Variants in SEZ6L observed in about 807,000 individuals in gnomAD.
SEZ6L encodes seizure 6-like protein.
SEZ6L carries 37 observed loss-of-function variants against 106.2 expected under a neutral mutation model. The observed-to-expected ratio is 0.35, with a 90% CI of 0.27 to 0.46. The LOEUF (loss-of-function observed/expected upper bound fraction) is 0.46, where lower values mean the gene tolerates loss of function less well. Among genes scored for constraint, SEZ6L ranks in the 20% least tolerant of loss-of-function variants. The pLI, the probability that SEZ6L is intolerant of heterozygous loss-of-function variation, is 1.00. For synonymous variants in SEZ6L, 541 were observed against 570.4 expected, an observed-to-expected ratio of 0.95 and a Z score of 0.73; for missense variants, 1,172 against 1,332.8, an observed-to-expected ratio of 0.88 and a Z score of 1.88.
chr22:26,293,245 C>A (rs1219971834), intron 2 of SEZ6L, 99 bp downstream of exon 2: 3 of 1,417,194 alleles, frequency 2.1e-6, no homozygotes, highest in Non-Finnish European at 2.8e-6. Flanking sequence ...AGCCCCGGCC[C>A]CACCATCAGT....
In SEZ6L at chr22:26,364,414, T is replaced by C. The variant is rs530323075; in HGVS notation, c.2600-958T>C. On this transcript the variant is annotated intron_variant, in intron 12 of 16. Transcript: ENST00000248933. ...CAGCTTGGGATGCATGGCAAGACCC[T>C]GTCTCTACTTTAAAAAAAAAAAAAA... 1.2e-4 allele frequency among the ~76,000 whole-genome samples: 15 copies of C among 126,866 alleles called. No individual in the cohort carries two copies. The East Asian group carries it at 3.8e-3, about 32-fold the overall frequency. The allele number at this position is 126,866 out of a possible 152,430, so 83.2% of individuals were successfully genotyped here. A position where few individuals can be genotyped will look rare whatever the true frequency, so the allele number is the denominator to read the frequency against.
At chr22:26,376,928 A>G (rs1437937669) in intron 15 of SEZ6L, among the ~76,000 whole-genome samples, 1 of 152,086 alleles carries the variant, frequency 6.6e-6, no homozygotes, top group Non-Finnish European at 1.5e-5. Flanking sequence ...ACACACTAAG[A>G]TAAACACAAT....
chr22:26,260,338 C>A (rs186795619), intron 1 of SEZ6L, among the ~76,000 whole-genome samples: 24 of 152,094 alleles, frequency 1.6e-4, no homozygotes, highest in African/African-American at 5.8e-4. Flanking sequence ...ATTCTTATGC[C>A]TTTTCATCCT....
chr22:26,357,125 G>A (rs2083464005), intron 12 of SEZ6L, among the ~76,000 whole-genome samples: 1 of 152,038 alleles, frequency 6.6e-6, no homozygotes, highest in African/African-American at 2.4e-5. Context: ...CTAATTTTTT[G>A]TATTTTTAGT....
chr22:26,297,954 T>C (rs2081348232), intron 4 of SEZ6L, among the ~76,000 whole-genome samples: 1 of 152,042 alleles, frequency 6.6e-6, no homozygotes, highest in African/African-American at 2.4e-5. Context: ...CTTGGATACT[T>C]ACCAACTGCT....
intron 9 of SEZ6L, among the ~76,000 whole-genome samples, chr22:26,334,985 G>C (rs963004152): frequency 2.0e-5 from 3 of 152,136 alleles, no homozygotes; most frequent in Non-Finnish European, 4.4e-5. Context: ...ATCGTATCTA[G>C]CTGACATCTC....
At chr22:26,199,935 G>A (rs1569372133) in intron 1 of SEZ6L, among the ~76,000 whole-genome samples, 1 of 152,188 alleles carries the variant, frequency 6.6e-6, no homozygotes, top group Non-Finnish European at 1.5e-5. Context: ...TAAGGTGCTT[G>A]GCTGAGCATT....
chr22:26,341,322 AC>A (rs2082829463), intron 10 of SEZ6L, among the ~76,000 whole-genome samples: 1 of 151,522 alleles, frequency 6.6e-6, no homozygotes, highest in African/African-American at 2.4e-5. Flanking sequence ...CACTCCTATG[AC>A]CCCTCGTGTG....
intron 12 of SEZ6L, among the ~76,000 whole-genome samples, chr22:26,361,524 T>A (rs201750050): frequency 0.011 from 1,450 of 130,816 alleles, 13 homozygotes; most frequent in East Asian, 0.048. Context: ...AAAAAAAATA[T>A]ATATATATAT....
chr22:26,264,651 C>A (rs774538311), intron 1 of SEZ6L, among the ~76,000 whole-genome samples: 1 of 152,146 alleles, frequency 6.6e-6, no homozygotes, highest in Non-Finnish European at 1.5e-5. Flanking sequence ...GTTATTTAGT[C>A]TCTGGGGCAT....
chr22:26,348,026 C>T, intron 11 of SEZ6L, 113 bp downstream of exon 11: 1 of 773,264 alleles, frequency 1.3e-6, no homozygotes, highest in Non-Finnish European at 2.0e-6. Flanking sequence ...GACTCCCCCT[C>T]CACCACCAAT....
intron 1 of SEZ6L, chr22:26,253,863 G>GA (rs2079707057): frequency 6.6e-6 from 1 of 152,046 alleles, no homozygotes; most frequent in Non-Finnish European, 1.5e-5. Flanking sequence ...TGATAATGAG[G>GA]AAAAAAGATT....
chr22:26,342,637 A>C (rs768286231), intron 10 of SEZ6L, among the ~76,000 whole-genome samples: 16 of 152,202 alleles, frequency 1.1e-4, no homozygotes, highest in Non-Finnish European at 2.4e-4. Flanking sequence ...CAGAGGTTGC[A>C]GTGAGCCAAG....
At chr22:26,330,160 T>C (rs530861803) in intron 9 of SEZ6L, among the ~76,000 whole-genome samples, 1 of 152,324 alleles carries the variant, frequency 6.6e-6, no homozygotes, top group East Asian at 1.9e-4. Flanking sequence ...GGTGAAGACA[T>C]GTGCCTTCAG....
rs1213109615 is a variant in SEZ6L at position 26,292,485 on chromosome 22, C to T, written c.174C>T (p.Gly58=). The change falls in exon 2 of 17, where the codon GGC becomes GGT. Residue 58 remains glycine (G), a synonymous_variant. Transcript: ENST00000248933. ...GAGCCCCGGAGAGAGGCAGTCCTGG[C>T]AAAGAGCACCCTGAAGAGAGAGTGG... is the stretch of plus-strand genomic sequence containing the variant. ...PSGAPERGSP[G]KEHPEERVVT... 1 of 1,613,978 alleles carries T rather than the reference C, an allele frequency of 6.2e-7. No individual in the cohort carries two copies.
chr22:26,268,097 A>T (rs1419456437), intron 1 of SEZ6L, among the ~76,000 whole-genome samples: 2 of 152,236 alleles, frequency 1.3e-5, no homozygotes, highest in Non-Finnish European at 2.9e-5. Context: ...AGCCCAGGCC[A>T]TCAATTAAAT....
intron 1 of SEZ6L, among the ~76,000 whole-genome samples, chr22:26,245,785 G>A (rs930729827): frequency 6.6e-6 from 1 of 152,044 alleles, no homozygotes; most frequent in African/African-American, 2.4e-5. Flanking sequence ...GGGGATGCTG[G>A]CTCTACAGTC....
At chr22:26,226,788 T>G (rs1189916524) in intron 1 of SEZ6L, among the ~76,000 whole-genome samples, 1 of 152,194 alleles carries the variant, frequency 6.6e-6, no homozygotes, top group Non-Finnish European at 1.5e-5. Flanking sequence ...AGCTGAGACA[T>G]GCAGGAAAGA....
intron 11 of SEZ6L, among the ~76,000 whole-genome samples, chr22:26,350,846 C>T (rs1348139556): frequency 6.6e-6 from 1 of 151,856 alleles, no homozygotes; most frequent in Admixed American, 6.6e-5. Context: ...TTAGTAGAGA[C>T]GGGGTTTCAC....
Sources: gnomAD v4.1 joint callset for allele counts (sites outside exome capture counted in the v4.1 genomes callset) on GRCh38, gnomAD v4.1.1 for gene constraint, MANE v1.5 for transcripts, NCBI Gene and HGNC (gene_info 2026-07-23, HGNC 2026-07-21) for gene names.